GPR39: variants seen among roughly 807,000 people sequenced by gnomAD.
GPR39 encodes G protein-coupled receptor 39.
A neutral mutation model predicts 18.4 loss-of-function variants in GPR39; 23 were observed. That is an observed-to-expected ratio of 1.25 (90% CI 0.90 to 1.77). The LOEUF is 1.77. Among genes scored for constraint, GPR39 ranks in the 40% most tolerant of loss-of-function variants. The probability of loss-of-function intolerance (pLI) is 0.00; values close to 1 mark genes in which losing one functional copy is unlikely to be tolerated. For missense variants in GPR39, 647 were observed against 602.4 expected (o/e 1.07, Z -0.78); for synonymous variants, 280 against 257.9 (o/e 1.09, Z -0.82).
intron 1 of GPR39, among the ~76,000 whole-genome samples, chr2:132,453,099 A>G (rs2104772067): frequency 6.6e-6 from 1 of 152,330 alleles, no homozygotes; most frequent in Non-Finnish European, 1.5e-5. Flanking sequence ...TCCCACCAAC[A>G]GTGTAAAAGT....
intron 1 of GPR39, among the ~76,000 whole-genome samples, chr2:132,420,250 C>T (rs1679985632): frequency 6.6e-6 from 1 of 152,194 alleles, no homozygotes; most frequent in African/African-American, 2.4e-5. Flanking sequence ...CCCATTTTCT[C>T]TGCGGTAGGT....
chr2:132,534,192 A>C (rs1162567168), intron 1 of GPR39, among the ~76,000 whole-genome samples: 2 of 152,210 alleles, frequency 1.3e-5, no homozygotes, highest in Admixed American at 6.5e-5. Context: ...ATGAACAGAC[A>C]CTTCTCAAAA....
intron 1 of GPR39, among the ~76,000 whole-genome samples, chr2:132,457,259 A>G (rs1033821015): frequency 2.6e-5 from 4 of 152,056 alleles, no homozygotes; most frequent in Admixed American, 2.6e-4. Flanking sequence ...CCTTACTTCC[A>G]CTTGATGGAA....
chr2:132,440,394 A>G lies in GPR39; in HGVS notation c.856+22496A>G, dbSNP rs866569525. ...ATGAGAACACGAACCCTGGAGCTGG[A>G]CTGCTGGGTTCCAATCCCAGTTCCC... On this transcript the variant is annotated intron_variant, in intron 1 of 1. Transcript: ENST00000329321. Among the ~76,000 whole-genome samples, 41 of 152,326 alleles carry G rather than the reference A, an allele frequency of 2.7e-4. No homozygotes were observed. The Middle Eastern group carries it at 0.017, about 63-fold the overall frequency.
At chr2:132,499,387 C>G (rs1270327080) in intron 1 of GPR39, among the ~76,000 whole-genome samples, 1 of 152,114 alleles carries the variant, frequency 6.6e-6, no homozygotes, top group Non-Finnish European at 1.5e-5. Context: ...GGCTTGATTT[C>G]TGGGTTCTGT....
At chr2:132,537,242 G>T (rs11896699) in intron 1 of GPR39, among the ~76,000 whole-genome samples, 10,281 of 152,146 alleles carry the variant, frequency 0.068, 1,168 homozygotes, top group African/African-American at 0.23. Context: ...CTTCCTTGAG[G>T]AGCTCTTGTA....
chr2:132,430,960 A>G (rs10197566), intron 1 of GPR39, among the ~76,000 whole-genome samples: 32,636 of 151,996 alleles, frequency 0.21, 3,668 homozygotes, highest in African/African-American at 0.26. Context: ...GTCCTGGGTG[A>G]TATTTCCCAG....
At chr2:132,564,661 T>C (rs1007318138) in intron 1 of GPR39, among the ~76,000 whole-genome samples, 4 of 152,114 alleles carry the variant, frequency 2.6e-5, no homozygotes, top group African/African-American at 4.8e-5. Flanking sequence ...AAAAGATGCA[T>C]GTAATATCAC....
At chr2:132,625,866 C>T (rs1317431966) in intron 1 of GPR39, among the ~76,000 whole-genome samples, 1 of 152,102 alleles carries the variant, frequency 6.6e-6, no homozygotes, top group Non-Finnish European at 1.5e-5. Context: ...CTTTGGGAGG[C>T]CAAGGCGGGT....
At chr2:132,505,749 A>G (rs62167457) in intron 1 of GPR39, among the ~76,000 whole-genome samples, 5,797 of 152,330 alleles carry the variant, frequency 0.038, 243 homozygotes, top group African/African-American at 0.11. Flanking sequence ...TTTTATGGCC[A>G]TATAGTAATC....
chr2:132,508,665 C>T (rs1301490272), intron 1 of GPR39, among the ~76,000 whole-genome samples: 1 of 152,202 alleles, frequency 6.6e-6, no homozygotes. Context: ...ATCTGTAAAT[C>T]AGCTGCCGTT....
chr2:132,489,435 G>T (rs574537857), intron 1 of GPR39, among the ~76,000 whole-genome samples: 2 of 152,068 alleles, frequency 1.3e-5, no homozygotes, highest in Non-Finnish European at 2.9e-5. Flanking sequence ...GCGGCAGGCC[G>T]TGGGGCTGCT....
intron 1 of GPR39, 94 bp downstream of exon 1, chr2:132,417,992 G>C: frequency 6.9e-7 from 1 of 1,459,018 alleles, no homozygotes; most frequent in Non-Finnish European, 9.1e-7. Context: ...GGCAAGTCTT[G>C]CCCTAGAATT....
chr2:132,497,542 A>G (rs1558816942), intron 1 of GPR39, among the ~76,000 whole-genome samples: 1 of 152,224 alleles, frequency 6.6e-6, no homozygotes, highest in African/African-American at 2.4e-5. Flanking sequence ...TCTTGCCCAT[A>G]TATCACCATG....
chr2:132,511,956 A>T (rs4954336), intron 1 of GPR39, among the ~76,000 whole-genome samples: 68,045 of 151,900 alleles, frequency 0.45, 15,991 homozygotes, highest in Non-Finnish European at 0.5. Context: ...GACTTCTCAT[A>T]ATACTTGGGT....
intron 1 of GPR39, among the ~76,000 whole-genome samples, chr2:132,504,945 T>C (rs7575622): frequency 6.6e-6 from 1 of 152,090 alleles, no homozygotes; most frequent in African/African-American, 2.4e-5. Context: ...TCCACATTTG[T>C]TGGAAATCTG....
chr2:132,616,395 G>A (rs114644626), intron 1 of GPR39, among the ~76,000 whole-genome samples: 354 of 152,270 alleles, frequency 2.3e-3, no homozygotes, highest in African/African-American at 8.0e-3. Context: ...ACCATGCAAG[G>A]TAATGCTATT....
chr2:132,614,639 C>T (rs1022188138), intron 1 of GPR39, among the ~76,000 whole-genome samples: 1 of 151,986 alleles, frequency 6.6e-6, no homozygotes, highest in Non-Finnish European at 1.5e-5. Flanking sequence ...CAACCTCCAC[C>T]TCCCAGGTTC....
At chr2:132,584,488 G>A (rs1003808492) in intron 1 of GPR39, among the ~76,000 whole-genome samples, 1 of 152,248 alleles carries the variant, frequency 6.6e-6, no homozygotes, top group Middle Eastern at 3.4e-3. Context: ...AGAAAAGCCT[G>A]GAGAGGTACC....
Sources: allele counts gnomAD v4.1 joint callset (sites outside exome capture counted in the v4.1 genomes callset), GRCh38; gene constraint gnomAD v4.1.1; transcripts MANE v1.5; gene names NCBI Gene and HGNC (gene_info 2026-07-23, HGNC 2026-07-21).